The following ADD2 variants were observed in gnomAD, a reference collection of about 807,000 sequenced individuals.
The protein encoded by ADD2 is adducin 2, also known as beta-adducin.
A neutral mutation model predicts 83.0 loss-of-function variants in ADD2; 23 were observed. The observed-to-expected ratio is 0.28, with a 90% CI of 0.20 to 0.39. The LOEUF is 0.39. ADD2 is among the 10% of genes least tolerant of loss of function. ADD2 has a pLI of 1.00. For synonymous variants in ADD2, 375 were observed against 375.4 expected (o/e 1.00, Z 0.01); for missense variants, 758 against 944.9 (o/e 0.80, Z 2.59).
intron 8 of ADD2, 58 bp from the exon 9 acceptor site, chr2:70,688,180 G>A: frequency 6.9e-7 from 1 of 1,444,378 alleles, no homozygotes. Flanking sequence ...TAGTTAAGAG[G>A]GAGAGGTTTT....
At chr2:70,688,701 A>G (rs1670869620) in intron 8 of ADD2, among the ~76,000 whole-genome samples, 1 of 152,190 alleles carries the variant, frequency 6.6e-6, no homozygotes, top group Non-Finnish European at 1.5e-5. Flanking sequence ...CATAAACTCA[A>G]CAAGGCCCTG....
intron 4 of ADD2, among the ~76,000 whole-genome samples, chr2:70,701,739 T>G (rs920330150): frequency 6.6e-6 from 1 of 151,606 alleles, no homozygotes; most frequent in African/African-American, 2.4e-5. Context: ...AAATGAGAAC[T>G]ATAACCAGAA....
intron 6 of ADD2, among the ~76,000 whole-genome samples, chr2:70,693,056 C>A (rs1671133334): frequency 6.6e-6 from 1 of 152,146 alleles, no homozygotes; most frequent in African/African-American, 2.4e-5. Context: ...CAACGAGGCT[C>A]AAAGAGGCTG....
chr2:70,750,074 A>G (rs1553382687), intron 1 of ADD2, among the ~76,000 whole-genome samples: 1 of 151,376 alleles, frequency 6.6e-6, no homozygotes, highest in Non-Finnish European at 1.5e-5. Context: ...TAGGTGCCTG[A>G]TGATGCTCTT....
intron 1 of ADD2, among the ~76,000 whole-genome samples, chr2:70,729,052 G>A (rs575769584): frequency 5.3e-5 from 8 of 152,306 alleles, no homozygotes; most frequent in African/African-American, 1.9e-4. Context: ...GGCCTTCACT[G>A]GCCTAACCAT....
At chr2:70,721,699 C>A (rs1225330774) in intron 1 of ADD2, among the ~76,000 whole-genome samples, 3 of 152,162 alleles carry the variant, frequency 2.0e-5, no homozygotes, top group African/African-American at 7.2e-5. Context: ...TGTCTCCAGG[C>A]AATTTCTGTA....
chr2:70,741,350 T>C (rs1313856716), intron 1 of ADD2: 2 of 152,228 alleles, frequency 1.3e-5, no homozygotes, highest in Non-Finnish European at 1.5e-5. Flanking sequence ...CCTTCTGATA[T>C]GCCCAATCCT....
At position 70,690,882 on chromosome 2, in the gene ADD2, C is replaced by T. The variant is rs782220405; in HGVS notation, c.753G>A (p.Leu251=). 3.1e-6 allele frequency: 5 copies of T among 1,613,980 alleles called. No individual in the cohort carries two copies. The highest frequency in any genetic ancestry group is 3.3e-5 in the Admixed American group (2 of 60,006). ...WGLLPVSHNA[L]LVGDMAYYDF... ...CATAATAGGCCATGTCCCCCACCAG[C>T]AGGGCATTGTGGGAGACAGGCAGGA... Residue 251 remains leucine (L), a synonymous_variant, in exon 8 of 16, where the codon CTG becomes CTA. Transcript: ENST00000264436.
intron 1 of ADD2, among the ~76,000 whole-genome samples, chr2:70,760,958 T>G (rs1345129775): frequency 6.6e-6 from 1 of 152,128 alleles, no homozygotes; most frequent in African/African-American, 2.4e-5. Flanking sequence ...GGTAAAAAGA[T>G]TAAGATGAAG....
chr2:70,723,323 G>A (rs532831044), intron 1 of ADD2, among the ~76,000 whole-genome samples: 2 of 152,160 alleles, frequency 1.3e-5, no homozygotes, highest in African/African-American at 4.8e-5. Context: ...AAATAGTAAG[G>A]ACTCCACAAA....
At chr2:70,730,018 T>C (rs1473200881) in intron 1 of ADD2, among the ~76,000 whole-genome samples, 6 of 152,218 alleles carry the variant, frequency 3.9e-5, no homozygotes, top group African/African-American at 1.4e-4. Flanking sequence ...GCAAAGTAGG[T>C]TTAAAGTAAT....
In ADD2 at chr2:70,713,568, G is replaced by C. The variant is rs193052207; in HGVS notation, c.-153-384C>G. On this transcript the variant is annotated intron_variant, in intron 1 of 15. Coordinates refer to ENST00000264436, the MANE Select transcript of ADD2 (RefSeq NM_001617.4). Reference sequence around the variant, plus strand: ...GGAGGTTGCAGTGAGCCAAGATCGCGCCACTGCACTCCAGCCTGGGGGAGG... The same window carrying C: ...GGAGGTTGCAGTGAGCCAAGATCGCCCCACTGCACTCCAGCCTGGGGGAGG... Among the ~76,000 whole-genome samples the C allele has an allele frequency of 4.6e-3, 694 of 152,258 alleles. 5 individuals carry two copies. The highest frequency in any genetic ancestry group is 0.016 in the African/African-American group (648 of 41,550).
At chr2:70,673,063 G>A (rs1464859973) in intron 14 of ADD2, 57 bp from the exon 15 acceptor site, 1 of 1,583,442 alleles carries the variant, frequency 6.3e-7, no homozygotes, top group Non-Finnish European at 8.6e-7. Context: ...AGATGGGCAG[G>A]GAAATAAAGC....
At chr2:70,704,196 G>C in intron 4 of ADD2, 125 bp downstream of exon 4, 1 of 1,312,144 alleles carries the variant, frequency 7.6e-7, no homozygotes, top group East Asian at 2.5e-5. Context: ...CCCAAGGCCT[G>C]ATAACACAAT....
chr2:70,669,996 G>T (rs1188085065), intron 15 of ADD2, among the ~76,000 whole-genome samples: 1 of 152,168 alleles, frequency 6.6e-6, no homozygotes, highest in African/African-American at 2.4e-5. Flanking sequence ...GCTTAGTCAA[G>T]CTCCCTACTG....
At chr2:70,730,344 C>T (rs1478194822) in intron 1 of ADD2, among the ~76,000 whole-genome samples, 1 of 152,230 alleles carries the variant, frequency 6.6e-6, no homozygotes, top group Non-Finnish European at 1.5e-5. Flanking sequence ...CAGACCCCCT[C>T]CACCCGTCAT....
Position 70,706,429 on chromosome 2 carries a change from T to A in ADD2, c.-21A>T. On this transcript the variant is annotated 5_prime_UTR_variant, in exon 3 of 16. Coordinates refer to ENST00000264436, the MANE Select transcript of ADD2 (RefSeq NM_001617.4). This position sits in a 1 kb window ranked among gnomAD's most constrained non-coding sequence, Gnocchi z 5.0. ...CTCATTTTCCCGGTGGGTTTGCAAT[T>A]CGCTCCTGGAACTCTACAGAGAAGG... The A allele has an allele frequency of 6.3e-7, 1 of 1,594,610 alleles. No individual in the cohort carries two copies. Among genetic ancestry groups the A allele is most frequent in the East Asian group, 2.2e-5 (1 of 44,658 alleles).
intron 4 of ADD2, 57 bp downstream of exon 4, chr2:70,704,264 C>CCCCCCCCCCCCCCCCCCCCCCCCCAA: frequency 4.7e-6 from 2 of 425,204 alleles, no homozygotes; most frequent in Admixed American, 2.7e-5. Context: ...TCCCTCTCTT[C>CCCCCCCCCCCCCCCCCCCCCCCCCAA]CCCACCCCAC....
intron 1 of ADD2, among the ~76,000 whole-genome samples, chr2:70,766,327 A>G (rs1675378980): frequency 6.6e-6 from 1 of 152,326 alleles, no homozygotes; most frequent in East Asian, 1.9e-4. Context: ...AAGGCTGGGC[A>G]AGATCCTGAT....
Sources: gnomAD v4.1 joint callset for allele counts (sites outside exome capture counted in the v4.1 genomes callset) on GRCh38, gnomAD v4.1.1 for gene constraint, Gnocchi (gnomAD v3.1) non-coding constraint, MANE v1.5 for transcripts, NCBI Gene and HGNC (gene_info 2026-07-23, HGNC 2026-07-21) for gene names.